The following ANKRD44 variants were observed in gnomAD, a reference collection of about 807,000 sequenced individuals.
ANKRD44 encodes ankyrin repeat domain 44, also known as serine/threonine-protein phosphatase 6 regulatory ankyrin repeat subunit B.
Under a neutral mutation model 116.0 loss-of-function variants are expected in ANKRD44, and 35 were observed. The ratio of observed to expected loss-of-function variants is 0.30; its 90% confidence interval spans 0.23 to 0.40. The LOEUF is 0.40. ANKRD44 is among the 10% of genes least tolerant of loss of function. The probability of loss-of-function intolerance (pLI) is 1.00; values close to 1 mark genes in which losing one functional copy is unlikely to be tolerated. For synonymous variants in ANKRD44, 435 were observed against 461.8 expected (o/e 0.94, Z 0.74); for missense variants, 1,014 against 1,242.6 (o/e 0.82, Z 2.77).
intron 1 of ANKRD44, among the ~76,000 whole-genome samples, chr2:197,246,044 A>C (rs1166554140): frequency 1.3e-5 from 2 of 152,230 alleles, no homozygotes; most frequent in African/African-American, 4.8e-5. Context: ...ACATGAGCAC[A>C]ACATGGCCAC....
At chr2:197,126,287 G>A (rs1323754895) in intron 4 of ANKRD44, among the ~76,000 whole-genome samples, 3 of 152,202 alleles carry the variant, frequency 2.0e-5, no homozygotes, top group Non-Finnish European at 4.4e-5. Flanking sequence ...AACCTTCTAA[G>A]TATATGATGA....
intron 18 of ANKRD44, among the ~76,000 whole-genome samples, chr2:197,010,241 G>A (rs13027173): frequency 0.59 from 89,116 of 151,966 alleles, 29,107 homozygotes; most frequent in East Asian, 0.8. Context: ...AAAACCTCAC[G>A]CCGGCTGGGT....
At chr2:197,288,596 G>T (rs1269546034) in intron 1 of ANKRD44, among the ~76,000 whole-genome samples, 1 of 151,824 alleles carries the variant, frequency 6.6e-6, no homozygotes, top group Non-Finnish European at 1.5e-5. Context: ...TCCATCAACA[G>T]ATGAATGGAT....
chr2:197,100,290 C>T (rs1230991394), intron 9 of ANKRD44, among the ~76,000 whole-genome samples: 1 of 152,104 alleles, frequency 6.6e-6, no homozygotes, highest in Non-Finnish European at 1.5e-5. Flanking sequence ...AAAAAATTAG[C>T]TGGGTGTGGT....
intron 1 of ANKRD44, among the ~76,000 whole-genome samples, chr2:197,255,399 G>A (rs2082421490): frequency 6.6e-6 from 1 of 152,216 alleles, no homozygotes; most frequent in African/African-American, 2.4e-5. Flanking sequence ...GCAGCCTGGG[G>A]CCTTATTCAC....
At chr2:197,125,256 C>A in intron 6 of ANKRD44, 125 bp downstream of exon 6, 1 of 859,036 alleles carries the variant, frequency 1.2e-6, no homozygotes, top group Non-Finnish European at 1.9e-6. Context: ...ACCAAATCTT[C>A]ATTCAATTGC....
At chr2:197,038,583 G>A (rs2076850450) in intron 16 of ANKRD44, among the ~76,000 whole-genome samples, 1 of 152,128 alleles carries the variant, frequency 6.6e-6, no homozygotes, top group African/African-American at 2.4e-5. Flanking sequence ...TCAAAATTAA[G>A]TTTTTATATT....
chr2:197,148,960 G>A (rs944688082), intron 2 of ANKRD44, among the ~76,000 whole-genome samples: 3 of 152,174 alleles, frequency 2.0e-5, no homozygotes, highest in African/African-American at 4.8e-5. Context: ...AATCATGTTA[G>A]CTTATTTGAG....
At chr2:196,969,198 A>G (rs187069293) in intron 21 of ANKRD44, among the ~76,000 whole-genome samples, 2 of 152,318 alleles carry the variant, frequency 1.3e-5, no homozygotes, top group East Asian at 3.9e-4. Flanking sequence ...CTAATTTAAA[A>G]TATACTTCAA....
chr2:197,277,293 G>C (rs138014282), intron 1 of ANKRD44, among the ~76,000 whole-genome samples: 1 of 152,170 alleles, frequency 6.6e-6, no homozygotes, highest in African/African-American at 2.4e-5. Flanking sequence ...CCCTAGCCTA[G>C]AGGTGCTCAG....
At chr2:197,140,098 T>C (rs999366618) in intron 3 of ANKRD44, among the ~76,000 whole-genome samples, 14 of 136,342 alleles carry the variant, frequency 1.0e-4, no homozygotes, top group African/African-American at 4.5e-4. Flanking sequence ...GCCAGGGTGG[T>C]CTTGAACTCC....
intron 2 of ANKRD44, among the ~76,000 whole-genome samples, chr2:197,172,815 C>T (rs893431936): frequency 1.3e-5 from 2 of 152,170 alleles, no homozygotes; most frequent in Non-Finnish European, 2.9e-5. Context: ...ATCCGCCCAC[C>T]TTGGCCTCCC....
Position 197,228,206 on chromosome 2 carries a change from A to T in ANKRD44, c.28-41100T>A, listed in dbSNP as rs574903444. Reference sequence around the variant, plus strand: ...TAAAGAGCTTAGCTTAGTGGCTGGCATATAGTAAGTGCTCAGCAAATGTTA... The same window carrying T: ...TAAAGAGCTTAGCTTAGTGGCTGGCTTATAGTAAGTGCTCAGCAAATGTTA... On this transcript the variant is annotated intron_variant, in intron 1 of 27. Transcript: ENST00000282272. 5.9e-5 allele frequency among the ~76,000 whole-genome samples: 9 copies of T among 152,344 alleles called. No homozygotes were observed. The East Asian group carries it at 1.7e-3, about 29-fold the overall frequency.
chr2:197,238,964 C>A (rs995195796), intron 1 of ANKRD44, among the ~76,000 whole-genome samples: 1 of 152,100 alleles, frequency 6.6e-6, no homozygotes, highest in African/African-American at 2.4e-5. Context: ...CCTGGCCCCC[C>A]AACCCGCCTG....
intron 1 of ANKRD44, among the ~76,000 whole-genome samples, chr2:197,206,416 G>T (rs1044312885): frequency 1.3e-5 from 2 of 152,232 alleles, no homozygotes; most frequent in Non-Finnish European, 2.9e-5. Context: ...AGGCGTAGTG[G>T]CTCGTGCCTG....
At chr2:197,218,163 G>A (rs193209198) in intron 1 of ANKRD44, among the ~76,000 whole-genome samples, 95 of 152,308 alleles carry the variant, frequency 6.2e-4, no homozygotes, top group Non-Finnish European at 1.3e-3. Context: ...AAATGTCAGA[G>A]AGATGGGAAG....
intron 9 of ANKRD44, among the ~76,000 whole-genome samples, chr2:197,103,244 A>G (rs1173731282): frequency 2.6e-5 from 4 of 151,952 alleles, no homozygotes; most frequent in Admixed American, 2.6e-4. Flanking sequence ...AAAAAAAAAA[A>G]AAATTGGGGG....
intron 2 of ANKRD44, among the ~76,000 whole-genome samples, chr2:197,149,789 T>C (rs988268187): frequency 6.6e-6 from 1 of 152,188 alleles, no homozygotes; most frequent in African/African-American, 2.4e-5. Flanking sequence ...GTAATCACCA[T>C]GCTGGATAGA....
intron 1 of ANKRD44, among the ~76,000 whole-genome samples, chr2:197,275,748 G>T (rs1180281572): frequency 6.6e-6 from 1 of 152,052 alleles, no homozygotes; most frequent in Non-Finnish European, 1.5e-5. Flanking sequence ...TGGCATATGG[G>T]GGGTGGGAGC....
Sources: gnomAD v4.1 joint callset for allele counts (sites outside exome capture counted in the v4.1 genomes callset) on GRCh38, gnomAD v4.1.1 for gene constraint, MANE v1.5 for transcripts, NCBI Gene and HGNC (gene_info 2026-07-23, HGNC 2026-07-21) for gene names.